Variants in CDH18 observed in about 807,000 individuals in gnomAD.
The protein encoded by CDH18 is cadherin 18.
CDH18 carries 31 observed loss-of-function variants against 67.9 expected under a neutral mutation model. That is an observed-to-expected ratio of 0.46 (90% CI 0.34 to 0.62). CDH18 has a LOEUF of 0.62. Among genes scored for constraint, CDH18 ranks in the 20% least tolerant of loss-of-function variants. The pLI is 0.01. For missense variants in CDH18, 890 were observed against 975.5 expected (o/e 0.91, Z 1.17); for synonymous variants, 362 against 347.2 (o/e 1.04, Z -0.48).
chr5:19,881,437 G>A (rs1787628981), intron 2 of CDH18, among the ~76,000 whole-genome samples: 1 of 151,084 alleles, frequency 6.6e-6, no homozygotes, highest in Non-Finnish European at 1.5e-5. Flanking sequence ...TTTTGTATCT[G>A]GTCAAACAGA....
chr5:19,510,257 C>A (rs1426246542), intron 10 of CDH18, among the ~76,000 whole-genome samples: 1 of 152,086 alleles, frequency 6.6e-6, no homozygotes, highest in African/African-American at 2.4e-5. Context: ...AAGAGTCAAA[C>A]ACTATGAAAC....
intron 2 of CDH18, among the ~76,000 whole-genome samples, chr5:19,933,321 C>A (rs1472655430): frequency 2.0e-5 from 3 of 151,548 alleles, no homozygotes; most frequent in Non-Finnish European, 3.0e-5. Flanking sequence ...TGCTCTTGTG[C>A]AATTTCATGT....
intron 2 of CDH18, among the ~76,000 whole-genome samples, chr5:19,899,504 T>G (rs535514679): frequency 1.3e-5 from 2 of 152,130 alleles, no homozygotes; most frequent in South Asian, 4.2e-4. Flanking sequence ...AAACTGCTGG[T>G]GGGAATTTCA....
At chr5:20,414,572 T>C (rs1747115285) in intron 1 of CDH18, among the ~76,000 whole-genome samples, 1 of 152,144 alleles carries the variant, frequency 6.6e-6, no homozygotes, top group Admixed American at 6.5e-5. Context: ...CATTACACAA[T>C]ATATCCATGT....
chr5:20,219,301 GAAC>G (rs1436354621), intron 2 of CDH18, among the ~76,000 whole-genome samples: 2 of 151,616 alleles, frequency 1.3e-5, no homozygotes, highest in African/African-American at 2.4e-5. Flanking sequence ...AACCTGAACA[GAAC>G]AACACTAGGT....
chr5:20,538,920 T>G (rs1263559937), intron 1 of CDH18, among the ~76,000 whole-genome samples: 1 of 147,048 alleles, frequency 6.8e-6, no homozygotes, highest in Non-Finnish European at 1.5e-5. Context: ...TTTTTTTTTT[T>G]TTTTGTCGCC....
At chr5:20,499,455 C>T (rs901363142) in intron 1 of CDH18, among the ~76,000 whole-genome samples, 14 of 152,050 alleles carry the variant, frequency 9.2e-5, no homozygotes, top group African/African-American at 3.4e-4. Context: ...ATCCATAACC[C>T]ACAGATACAG....
intron 3 of CDH18, among the ~76,000 whole-genome samples, chr5:19,812,455 T>G (rs1375748934): frequency 6.6e-6 from 1 of 152,072 alleles, no homozygotes; most frequent in African/African-American, 2.4e-5. Context: ...GTTGGAGAAG[T>G]AGAAGGAGAT....
At chr5:19,879,682 T>C (rs1787409276) in intron 2 of CDH18, among the ~76,000 whole-genome samples, 1 of 152,008 alleles carries the variant, frequency 6.6e-6, no homozygotes, top group Non-Finnish European at 1.5e-5. Flanking sequence ...CACCAAAATA[T>C]GAAAGGCTTA....
intron 1 of CDH18, among the ~76,000 whole-genome samples, chr5:20,329,078 A>T (rs778571578): frequency 9.9e-5 from 15 of 152,210 alleles, no homozygotes; most frequent in Non-Finnish European, 1.9e-4. Flanking sequence ...CCTTACAAGC[A>T]TGAACTGTTT....
chr5:20,048,871 A>G (rs925936256), intron 2 of CDH18, among the ~76,000 whole-genome samples: 3 of 151,732 alleles, frequency 2.0e-5, no homozygotes, highest in African/African-American at 7.2e-5. Context: ...TCTTCTTGGA[A>G]ATACAACATG....
intron 1 of CDH18, among the ~76,000 whole-genome samples, chr5:20,539,568 T>A (rs1333867512): frequency 6.6e-6 from 1 of 152,076 alleles, no homozygotes; most frequent in Non-Finnish European, 1.5e-5. Context: ...AAGTTGATGG[T>A]TAGGGCTTTT....
chr5:20,351,036 T>C (rs1741130396), intron 1 of CDH18, among the ~76,000 whole-genome samples: 2 of 152,106 alleles, frequency 1.3e-5, no homozygotes, highest in Non-Finnish European at 2.9e-5. Flanking sequence ...AAATGTCATC[T>C]TCACAATGAG....
chr5:20,042,663 T>C (rs1740533857), intron 2 of CDH18, among the ~76,000 whole-genome samples: 1 of 152,308 alleles, frequency 6.6e-6, no homozygotes, highest in Non-Finnish European at 1.5e-5. Context: ...CAATTTGTCC[T>C]CTTTTAAAAC....
At chr5:19,994,318 CATATATACAT>C (rs1800159878) in intron 2 of CDH18, among the ~76,000 whole-genome samples, 1 of 150,854 alleles carries the variant, frequency 6.6e-6, no homozygotes, top group Non-Finnish European at 1.5e-5. Context: ...TATATGTATA[CATATATACAT>C]ATATTTATAC....
chr5:19,522,191 C>G (rs1747005137), intron 9 of CDH18, among the ~76,000 whole-genome samples: 1 of 152,030 alleles, frequency 6.6e-6, no homozygotes, highest in African/African-American at 2.4e-5. Context: ...TACATAATCA[C>G]TCAAGAACAT....
chr5:19,784,862 T>C (rs1385801702), intron 3 of CDH18, among the ~76,000 whole-genome samples: 2 of 152,196 alleles, frequency 1.3e-5, no homozygotes, highest in East Asian at 3.8e-4. Flanking sequence ...AAGAAGAACC[T>C]TGGCTTCCAC....
chr5:20,228,613 C>T (rs1741824643), intron 2 of CDH18, among the ~76,000 whole-genome samples: 1 of 152,014 alleles, frequency 6.6e-6, no homozygotes, highest in Non-Finnish European at 1.5e-5. Context: ...TGACCAACAT[C>T]TCACCAACCC....
Position 19,520,746 on chromosome 5 carries a change from C to G in CDH18, c.1423G>C (p.Gly475Arg). The G allele has an allele frequency of 6.2e-7, 1 of 1,613,152 alleles. No homozygotes were observed. The highest frequency in any genetic ancestry group is 8.5e-7 in the Non-Finnish European group (1 of 1,179,320). Residue 475 changes from glycine (G) to arginine (R), a missense_variant, in exon 10 of 13, where the codon GGT (glycine) becomes CGT (arginine). Gly to Arg is a moderately radical substitution (Grantham distance 125). Around this residue, in one of 2 missense-constraint regions of CDH18, gnomAD observed 656 missense variants for 668.1 expected, o/e 0.98. Coordinates refer to ENST00000382275, the MANE Select transcript of CDH18 (RefSeq NM_004934.5). The stretch of plus-strand genomic sequence containing the variant: ...TCATTGACATCCAGAACTCTAATAC[C>G]CACTGTGACATGGCTCAGCAAATCA... ...NPDLLSHVTV[G>R]IRVLDVNDNP...
Sources: gnomAD v4.1 joint callset for allele counts (sites outside exome capture counted in the v4.1 genomes callset) on GRCh38, gnomAD v4.1.1 for gene constraint, gnomAD v4.1.1 regional missense constraint, MANE v1.5 for transcripts, NCBI Gene and HGNC (gene_info 2026-07-23, HGNC 2026-07-21) for gene names.